PPP1R42: variants seen among roughly 807,000 people sequenced by gnomAD.
PPP1R42 encodes leucine rich repeat containing 67.
Under a neutral mutation model 31.0 loss-of-function variants are expected in PPP1R42, and 34 were observed. That is an observed-to-expected ratio of 1.10 (90% CI 0.83 to 1.46). PPP1R42 has a LOEUF of 1.46. Among genes scored for constraint, PPP1R42 ranks in the 40% most tolerant of loss-of-function variants. The pLI is 0.00. For missense variants in PPP1R42, 268 were observed against 303.0 expected (o/e 0.88, Z 0.86); for synonymous variants, 103 against 109.8 (o/e 0.94, Z 0.39).
intron 5 of PPP1R42, 61 bp downstream of exon 5, chr8:67,010,654 A>C: frequency 2.5e-6 from 3 of 1,197,788 alleles, no homozygotes. Flanking sequence ...AGCTATTACA[A>C]AACATTTTTC....
intron 5 of PPP1R42, among the ~76,000 whole-genome samples, chr8:66,991,701 T>G (rs1451804581): frequency 1.3e-5 from 2 of 152,186 alleles, no homozygotes; most frequent in African/African-American, 4.8e-5. Context: ...GTTCCCAGCC[T>G]TTTCTTCCTG....
chr8:67,019,237 C>CTTT (rs1186280936), intron 1 of PPP1R42, among the ~76,000 whole-genome samples: 215 of 91,660 alleles, frequency 2.3e-3, no homozygotes, highest in Non-Finnish European at 2.7e-3. Flanking sequence ...TTATGAGCAT[C>CTTT]TTTTTTTTTT....
In PPP1R42 at chr8:67,010,816, A is replaced by G; in HGVS notation, c.451T>C (p.Leu151=). 1 of 1,594,214 alleles carries G rather than the reference A, an allele frequency of 6.3e-7. No individual in the cohort carries two copies. Among genetic ancestry groups the G allele is most frequent in the Non-Finnish European group, 8.5e-7 (1 of 1,169,714 alleles). Residue 151 remains leucine (L), a synonymous_variant, in exon 5 of 8, where the codon TTG becomes CTG. Coordinates refer to ENST00000685739, the MANE Select transcript of PPP1R42 (RefSeq NM_001364910.1). ...TCAATATTATTATTGCTGATATTCA[A>G]TATACAGAGGGATTTCTGTAAGAAA... ...LHSLAKSLCI[L]NISNNNIDDI... is the part of the protein sequence containing the mutation.
At chr8:66,995,948 T>C (rs1215392923) in intron 5 of PPP1R42, among the ~76,000 whole-genome samples, 1 of 152,216 alleles carries the variant, frequency 6.6e-6, no homozygotes, top group South Asian at 2.1e-4. Context: ...AAGATGATGA[T>C]TTAATTCTCA....
chr8:66,972,963 G>A (rs1039425492), intron 7 of PPP1R42, among the ~76,000 whole-genome samples: 2 of 152,140 alleles, frequency 1.3e-5, no homozygotes, highest in African/African-American at 2.4e-5. Context: ...CTCAAGACAA[G>A]TCACTTCATT....
intron 7 of PPP1R42, among the ~76,000 whole-genome samples, chr8:66,967,701 G>T (rs1433143037): frequency 6.6e-6 from 1 of 152,142 alleles, no homozygotes; most frequent in Non-Finnish European, 1.5e-5. Flanking sequence ...AATATACAGT[G>T]AATATTTCCT....
intron 5 of PPP1R42, among the ~76,000 whole-genome samples, chr8:67,009,384 C>T (rs571839995): frequency 1.3e-5 from 2 of 151,978 alleles, no homozygotes; most frequent in East Asian, 3.9e-4. Context: ...CCTGGCCAAC[C>T]TGGTGAAATC....
intron 1 of PPP1R42, among the ~76,000 whole-genome samples, chr8:67,018,805 C>T (rs1816099077): frequency 2.5e-5 from 1 of 39,880 alleles, no homozygotes; most frequent in Non-Finnish European, 5.2e-5. Context: ...GCCACCGTGC[C>T]TGGCCCCCGC....
At chr8:67,028,230 G>A (rs1331758230) in intron 1 of PPP1R42, among the ~76,000 whole-genome samples, 2 of 151,944 alleles carry the variant, frequency 1.3e-5, no homozygotes, top group African/African-American at 4.8e-5. Flanking sequence ...CACGCCCACC[G>A]GGCTGCTTCC....
intron 1 of PPP1R42, 32 bp from the exon 2 acceptor site, chr8:67,017,863 TATC>T: frequency 8.8e-7 from 1 of 1,131,600 alleles, no homozygotes; most frequent in Non-Finnish European, 1.2e-6. Flanking sequence ...AGCATTATGA[TATC>T]ATAGCAATTT....
intron 7 of PPP1R42, chr8:66,971,190 A>C (rs1427463899): frequency 7.4e-7 from 1 of 1,349,612 alleles, no homozygotes; most frequent in African/African-American, 1.5e-5. Context: ...TTAATAACTA[A>C]ATTTTTAAAA....
chr8:66,973,969 C>T (rs1814603507), intron 7 of PPP1R42, among the ~76,000 whole-genome samples: 1 of 152,194 alleles, frequency 6.6e-6, no homozygotes. Context: ...TATACACTTC[C>T]TTTATCCATT....
chr8:67,013,096 C>A lies in PPP1R42; in HGVS notation c.297G>T (p.Leu99=), dbSNP rs756144442. The A allele has an allele frequency of 1.3e-6, 2 of 1,588,718 alleles. No homozygotes were observed. The highest frequency in any genetic ancestry group is 1.7e-6 in the Non-Finnish European group (2 of 1,171,236). Residue 99 remains leucine, a splice_region_variant and synonymous_variant, in exon 4 of 8, where the codon CTG becomes CTT. Coordinates refer to ENST00000685739, the MANE Select transcript of PPP1R42 (RefSeq NM_001364910.1). ...NLRSLKKLEK[L]YLGGNYIAVI... ...CAGCAATGTAATTGCCTCCCAGATACCTGCAAAACATAGACATAATTCTAA... is the reference window on the plus strand; with the variant it reads ...CAGCAATGTAATTGCCTCCCAGATAACTGCAAAACATAGACATAATTCTAA...
chr8:66,984,166 G>T (rs561231071), intron 6 of PPP1R42: 119 of 1,592,492 alleles, frequency 7.5e-5, no homozygotes, highest in Admixed American at 3.4e-4. Flanking sequence ...TTCACTCAGC[G>T]CAAGGTCCCA....
Position 66,978,826 on chromosome 8 carries a change from A to G in PPP1R42, c.802+3223T>C, listed in dbSNP as rs74964260. On this transcript the variant is annotated intron_variant, in intron 7 of 7. Coordinates refer to ENST00000685739, the MANE Select transcript of PPP1R42 (RefSeq NM_001364910.1). The stretch of plus-strand genomic sequence containing the variant: ...CTGATGATTAAGTGATATTGGGCAT[A>G]TCTTTCTTATATTTGTTGGCCATTT... 9.7e-4 allele frequency among the ~76,000 whole-genome samples: 147 copies of G among 152,264 alleles called. 4 individuals carry two copies. The East Asian group carries it at 0.015, about 15-fold the overall frequency.
intron 5 of PPP1R42, among the ~76,000 whole-genome samples, chr8:66,998,010 A>G (rs1483141088): frequency 6.6e-6 from 1 of 152,180 alleles, no homozygotes; most frequent in East Asian, 1.9e-4. Flanking sequence ...AGAGCCTTCA[A>G]CCATGCATGT....
intron 7 of PPP1R42, among the ~76,000 whole-genome samples, chr8:66,970,165 CTG>C (rs1358160593): frequency 6.6e-6 from 1 of 152,154 alleles, no homozygotes; most frequent in Non-Finnish European, 1.5e-5. Flanking sequence ...GGGTCCCACT[CTG>C]TTGCCCAGGC....
chr8:66,983,720 T>C (rs1814916401), intron 6 of PPP1R42, among the ~76,000 whole-genome samples: 1 of 152,126 alleles, frequency 6.6e-6, no homozygotes, highest in African/African-American at 2.4e-5. Context: ...TAATACTGTG[T>C]TATACCCAAA....
chr8:67,012,088 T>A (rs1340719721), intron 4 of PPP1R42, among the ~76,000 whole-genome samples: 1 of 151,830 alleles, frequency 6.6e-6, no homozygotes, highest in Middle Eastern at 3.2e-3. Context: ...ATACAAAAAT[T>A]AGCCAGGCGT....
Sources: gnomAD v4.1 joint callset for allele counts (sites outside exome capture counted in the v4.1 genomes callset) on GRCh38, gnomAD v4.1.1 for gene constraint, MANE v1.5 for transcripts, NCBI Gene and HGNC (gene_info 2026-07-23, HGNC 2026-07-21) for gene names.